MTMR2: variants seen among roughly 807,000 people sequenced by gnomAD.
MTMR2 encodes the protein myotubularin related protein 2.
A neutral mutation model predicts 86.9 loss-of-function variants in MTMR2; 55 were observed. The ratio of observed to expected loss-of-function variants is 0.63; its 90% confidence interval spans 0.51 to 0.79. The LOEUF (loss-of-function observed/expected upper bound fraction) is 0.79, where lower values mean the gene tolerates loss of function less well. Ranked by LOEUF, MTMR2 falls within the 30% of genes least tolerant of loss-of-function variation. The pLI is 0.00. For missense variants in MTMR2, 659 were observed against 772.3 expected, an observed-to-expected ratio of 0.85 and a Z score of 1.74; for synonymous variants, 241 against 266.8, an observed-to-expected ratio of 0.90 and a Z score of 0.94.
chr11:95,838,179 T>C lies in MTMR2; in HGVS notation c.1508A>G (p.Tyr503Cys). 6.2e-7 allele frequency: 1 copy of C among 1,608,374 alleles called. No homozygotes were observed. The highest frequency in any genetic ancestry group is 8.5e-7 in the Non-Finnish European group (1 of 1,175,134). ...QFPTAFEFNE[Y>C]FLITILDHLY... ...GTGGTCCAAAATGGTAATGAGAAAA[T>C]ACTCATTGAATTCAAATGCGGTAGG... The change falls in exon 13 of 15, where the codon TAT (tyrosine) becomes TGT (cysteine). Residue 503 changes from tyrosine to cysteine, a missense_variant. Tyr to Cys is a radical substitution (Grantham distance 194). This residue lies in a region of MTMR2 where 193 missense variants were observed against 191.6 expected (regional missense o/e 1.01). Transcript: ENST00000346299.
chr11:95,846,805 C>T (rs1180297846), intron 10 of MTMR2, among the ~76,000 whole-genome samples: 1 of 152,084 alleles, frequency 6.6e-6, no homozygotes, highest in African/African-American at 2.4e-5. Context: ...GCCACATGAA[C>T]ATGCTCTCTG....
intron 1 of MTMR2, among the ~76,000 whole-genome samples, chr11:95,918,705 C>CT (rs1365112494): frequency 6.6e-6 from 1 of 152,194 alleles, no homozygotes; most frequent in African/African-American, 2.4e-5. Flanking sequence ...GCTATAATTT[C>CT]TACCTCTAAT....
intron 1 of MTMR2, among the ~76,000 whole-genome samples, chr11:95,890,564 CTT>C (rs1865681601): frequency 6.6e-6 from 1 of 152,230 alleles, no homozygotes. Flanking sequence ...GCAGGGTAGT[CTT>C]TGTCCTTTCC....
Position 95,835,402 on chromosome 11 carries a change from A to G in MTMR2, c.1820T>C (p.Leu607Pro). The G allele has an allele frequency of 6.2e-7, 1 of 1,613,174 alleles. No homozygotes were observed. Among genetic ancestry groups the G allele is most frequent in the Non-Finnish European group, 8.5e-7 (1 of 1,179,342 alleles). ...CTGTAGTTCCTCTACTTTTTTCTGA[A>G]GCTCTGCTCGTTTAGCAAGAAGTTC... ...YKELLAKRAE[L>P]QKKVEELQRE... The change falls in exon 15 of 15, where the codon CTT becomes CCT. Residue 607 changes from leucine (L) to proline (P), a missense_variant. Physicochemically the swap from Leu to Pro is moderately conservative, Grantham distance 98. Around this residue, in one of 3 missense-constraint regions of MTMR2, gnomAD observed 193 missense variants for 191.6 expected, o/e 1.01. Coordinates refer to ENST00000346299, the MANE Select transcript of MTMR2 (RefSeq NM_016156.6).
chr11:95,853,148 A>AT (rs922684283), intron 7 of MTMR2, among the ~76,000 whole-genome samples: 1 of 149,992 alleles, frequency 6.7e-6, no homozygotes, highest in South Asian at 2.1e-4. Flanking sequence ...ATACTTATAT[A>AT]TTTTTTTCAC....
intron 7 of MTMR2, among the ~76,000 whole-genome samples, chr11:95,851,910 T>G (rs1338343693): frequency 6.6e-6 from 1 of 152,246 alleles, no homozygotes; most frequent in African/African-American, 2.4e-5. Flanking sequence ...ACTATTGAGC[T>G]CTCGTGCTCC....
chr11:95,844,200 G>A (rs1054268339), intron 11 of MTMR2, among the ~76,000 whole-genome samples: 2 of 152,134 alleles, frequency 1.3e-5, no homozygotes, highest in Non-Finnish European at 2.9e-5. Flanking sequence ...TGAAGTACGA[G>A]TTTGTTTTAA....
At chr11:95,868,321 A>G (rs1163731230) in intron 2 of MTMR2, among the ~76,000 whole-genome samples, 2 of 151,064 alleles carry the variant, frequency 1.3e-5, no homozygotes, top group Non-Finnish European at 3.0e-5. Context: ...AGAAAAAGAA[A>G]AAAAAGAAAT....
At chr11:95,919,674 T>G (rs1271856455) in intron 1 of MTMR2, among the ~76,000 whole-genome samples, 2 of 152,198 alleles carry the variant, frequency 1.3e-5, no homozygotes, top group East Asian at 3.9e-4. Flanking sequence ...TAAAATCAGC[T>G]CAAGATGTCC....
intron 2 of MTMR2, among the ~76,000 whole-genome samples, chr11:95,886,956 T>C (rs1328764050): frequency 6.6e-6 from 1 of 152,162 alleles, no homozygotes; most frequent in African/African-American, 2.4e-5. Context: ...TAATGGCTAA[T>C]GATAGCATGA....
chr11:95,903,405 T>C (rs1271957933), intron 1 of MTMR2, among the ~76,000 whole-genome samples: 1 of 152,156 alleles, frequency 6.6e-6, no homozygotes, highest in Non-Finnish European at 1.5e-5. Flanking sequence ...AGTACTTACT[T>C]GTCAACACGG....
rs200892517 is a variant in MTMR2 at position 95,838,185 on chromosome 11, T to C, written c.1502A>G (p.Asn501Ser). ...TRQFPTAFEF[N>S]EYFLITILDH... is the part of the protein sequence containing the mutation. ...CAAAATGGTAATGAGAAAATACTCATTGAATTCAAATGCGGTAGGAAACTG... is the reference window on the plus strand; with the variant it reads ...CAAAATGGTAATGAGAAAATACTCACTGAATTCAAATGCGGTAGGAAACTG... The change falls in exon 13 of 15, where the codon AAT becomes AGT. Residue 501 changes from asparagine (N) to serine (S), a missense_variant. This residue lies in a region of MTMR2 where 193 missense variants were observed against 191.6 expected (regional missense o/e 1.01). Coordinates refer to ENST00000346299, the MANE Select transcript of MTMR2 (RefSeq NM_016156.6). 34 of 1,605,828 alleles carry C rather than the reference T, an allele frequency of 2.1e-5. No individual in the cohort carries two copies. The highest frequency in any genetic ancestry group is 6.7e-5 in the African/African-American group (5 of 74,750).
rs190179087 is a variant in MTMR2 at position 95,914,450 on chromosome 11, A to G, written c.80+9425T>C. The G allele has an allele frequency of 9.0e-5, 67 of 747,168 alleles. No individual in the cohort carries two copies. In the East Asian group the frequency reaches 1.7e-3, roughly 19 times the overall value. The allele number at this position is 747,168 out of a possible 1,614,324, so 46.3% of individuals were successfully genotyped here. Reference sequence around the variant, plus strand: ...GGCAATTACTTGCTTCATACTTTACATGATCTTCAAAATGTAAAACTGTTC... The same window carrying G: ...GGCAATTACTTGCTTCATACTTTACGTGATCTTCAAAATGTAAAACTGTTC... On this transcript the variant is annotated intron_variant, in intron 1 of 14. Transcript: ENST00000346299.
chr11:95,875,123 C>T (rs1397807171), intron 2 of MTMR2, among the ~76,000 whole-genome samples: 2 of 152,066 alleles, frequency 1.3e-5, no homozygotes, highest in African/African-American at 4.8e-5. Flanking sequence ...TCTGTATTTC[C>T]TGAATTTGAA....
At chr11:95,843,766 T>C (rs1590976927) in intron 11 of MTMR2, among the ~76,000 whole-genome samples, 2 of 152,158 alleles carry the variant, frequency 1.3e-5, no homozygotes, top group South Asian at 4.1e-4. Context: ...AGTTTAAATA[T>C]TTCTGTTAAT....
intron 1 of MTMR2, among the ~76,000 whole-genome samples, chr11:95,921,169 CATA>C (rs1431008290): frequency 6.6e-6 from 1 of 152,196 alleles, no homozygotes; most frequent in Non-Finnish European, 1.5e-5. Flanking sequence ...AAGGAGCATA[CATA>C]ATTTTTTCTA....
intron 1 of MTMR2, among the ~76,000 whole-genome samples, chr11:95,897,858 G>A (rs150849742): frequency 4.6e-5 from 7 of 152,092 alleles, no homozygotes; most frequent in South Asian, 4.2e-4. Context: ...CTTTGCCAGC[G>A]TTCAACAAGG....
intron 2 of MTMR2, among the ~76,000 whole-genome samples, chr11:95,873,933 A>G (rs1030028286): frequency 1.2e-4 from 19 of 152,084 alleles, no homozygotes; most frequent in African/African-American, 4.1e-4. Context: ...CCTGAGTTCT[A>G]GTTTGATTGC....
intron 13 of MTMR2, among the ~76,000 whole-genome samples, chr11:95,836,907 A>T (rs1186728279): frequency 1.3e-5 from 2 of 151,980 alleles, no homozygotes; most frequent in Non-Finnish European, 2.9e-5. Context: ...AAATGTTCTG[A>T]AATGAAAATG....
Sources: allele counts gnomAD v4.1 joint callset (sites outside exome capture counted in the v4.1 genomes callset), GRCh38; gene constraint gnomAD v4.1.1; regional missense constraint gnomAD v4.1.1; transcripts MANE v1.5; gene names NCBI Gene and HGNC (gene_info 2026-07-23, HGNC 2026-07-21).